Variants in PPARGC1A observed in about 807,000 individuals in gnomAD.
The protein encoded by PPARGC1A is peroxisome proliferator-activated receptor gamma coactivator 1-alpha.
Under a neutral mutation model 88.7 loss-of-function variants are expected in PPARGC1A, and 25 were observed. The observed-to-expected ratio is 0.28, with a 90% CI of 0.21 to 0.39. The LOEUF is 0.39. Ranked by LOEUF, PPARGC1A falls within the 10% of genes least tolerant of loss-of-function variation. The pLI is 1.00. For synonymous variants in PPARGC1A, 363 were observed against 355.6 expected, an observed-to-expected ratio of 1.02 and a Z score of -0.24; for missense variants, 880 against 968.7, an observed-to-expected ratio of 0.91 and a Z score of 1.22.
At chr4:24,197,917 A>G in the PPARGC1A span, among the ~76,000 whole-genome samples, 4 of 152,204 alleles carry the variant, frequency 2.6e-5, no homozygotes, top group Non-Finnish European at 5.9e-5. Flanking sequence ...GCTAGGTAGG[A>G]GACACTCGGA....
the PPARGC1A span, among the ~76,000 whole-genome samples, chr4:24,308,897 G>A: frequency 2.7e-4 from 41 of 152,142 alleles, 1 homozygote; most frequent in Admixed American, 1.9e-3. Flanking sequence ...AATCTCAAAG[G>A]AGATTGATAC....
chr4:24,299,721 T>C, the PPARGC1A span, among the ~76,000 whole-genome samples: 1 of 152,040 alleles, frequency 6.6e-6, no homozygotes, highest in Non-Finnish European at 1.5e-5. Flanking sequence ...CCCTAACACA[T>C]AAACGACTAC....
chr4:24,028,579 T>C, the PPARGC1A span, among the ~76,000 whole-genome samples: 3 of 152,130 alleles, frequency 2.0e-5, no homozygotes, highest in African/African-American at 7.2e-5. Context: ...CAAGGAAGAA[T>C]ACAAAGAGGT....
the PPARGC1A span, among the ~76,000 whole-genome samples, chr4:24,135,540 G>T: frequency 1.3e-5 from 2 of 152,104 alleles, no homozygotes; most frequent in African/African-American, 4.8e-5. Flanking sequence ...TGTGATGGAA[G>T]GATTTTGCTT....
chr4:23,923,116 G>GTT, the PPARGC1A span, among the ~76,000 whole-genome samples: 6 of 131,686 alleles, frequency 4.6e-5, no homozygotes, highest in South Asian at 2.3e-4. Context: ...TTTGTTGCTT[G>GTT]TTTTTTTTTT....
At chr4:23,996,169 G>C in the PPARGC1A span, among the ~76,000 whole-genome samples, 1 of 152,136 alleles carries the variant, frequency 6.6e-6, no homozygotes, top group Non-Finnish European at 1.5e-5. Context: ...AGGTGATGGA[G>C]ACTAACTACA....
At chr4:23,905,343 A>G (rs935285302), upstream of PPARGC1A, among the ~76,000 whole-genome samples, 5 of 152,220 alleles carry the variant, frequency 3.3e-5, no homozygotes, top group Non-Finnish European at 5.9e-5. Context: ...TACTTATGGC[A>G]TGCATACATG....
the PPARGC1A span, among the ~76,000 whole-genome samples, chr4:24,389,063 G>A: frequency 6.6e-6 from 1 of 152,114 alleles, no homozygotes; most frequent in East Asian, 1.9e-4. Flanking sequence ...TGTTATTGAA[G>A]TGCTAAATTA....
the PPARGC1A span, among the ~76,000 whole-genome samples, chr4:24,078,290 G>A: frequency 6.6e-6 from 1 of 152,004 alleles, no homozygotes; most frequent in Non-Finnish European, 1.5e-5. Flanking sequence ...TTTCATGAGA[G>A]GCCTTTTTTG....
chr4:24,026,217 C>T, the PPARGC1A span, among the ~76,000 whole-genome samples: 1 of 152,276 alleles, frequency 6.6e-6, no homozygotes, highest in South Asian at 2.1e-4. Flanking sequence ...GTCCAGTTGG[C>T]CCCACTTCCC....
At chr4:23,920,598 C>T in the PPARGC1A span, among the ~76,000 whole-genome samples, 1 of 152,158 alleles carries the variant, frequency 6.6e-6, no homozygotes, top group African/African-American at 2.4e-5. Context: ...TTGTACAGTT[C>T]AAAGCTTCAT....
chr4:23,801,770 A>C lies in PPARGC1A; in HGVS notation c.2253T>G (p.Cys751Trp), dbSNP rs1156728281. 6.2e-7 allele frequency: 1 copy of C among 1,614,054 alleles called. No individual in the cohort carries two copies. The change falls in exon 12 of 13, where the codon TGT becomes TGG. Residue 751 changes from cysteine to tryptophan, a missense_variant. Coordinates refer to ENST00000264867, the MANE Select transcript of PPARGC1A (RefSeq NM_013261.5). The stretch of plus-strand genomic sequence containing the variant: ...TAGACTTGAAAAATTGCTTGCGTCC[A>C]CAAAAGTACAGCTCAAAGTCAGTTT... The part of the protein sequence containing the change: ...SNETDFELYF[C>W]GRKQFFKSNY...
At chr4:24,216,652 G>A in the PPARGC1A span, among the ~76,000 whole-genome samples, 1 of 151,864 alleles carries the variant, frequency 6.6e-6, no homozygotes. Flanking sequence ...CTTCCTCTAG[G>A]GCCCTAGTCT....
chr4:24,088,419 GA>G, the PPARGC1A span, among the ~76,000 whole-genome samples: 1 of 151,844 alleles, frequency 6.6e-6, no homozygotes, highest in Non-Finnish European at 1.5e-5. Context: ...GGAAGCAGAA[GA>G]AGAAGAGGAG....
the PPARGC1A span, among the ~76,000 whole-genome samples, chr4:24,377,692 A>G: frequency 1.3e-5 from 2 of 152,224 alleles, no homozygotes; most frequent in Non-Finnish European, 2.9e-5. Flanking sequence ...CGTCGATTTC[A>G]GGATACAGCA....
chr4:24,172,166 C>T, the PPARGC1A span, among the ~76,000 whole-genome samples: 1 of 152,196 alleles, frequency 6.6e-6, no homozygotes, highest in African/African-American at 2.4e-5. Flanking sequence ...CAAGATATAG[C>T]ACAGTATCAC....
At chr4:24,108,478 C>T in the PPARGC1A span, among the ~76,000 whole-genome samples, 2 of 152,068 alleles carry the variant, frequency 1.3e-5, no homozygotes, top group Admixed American at 1.3e-4. Context: ...TCTTTCAATA[C>T]TTAGAATGAG....
chr4:24,436,127 A>G, the PPARGC1A span, among the ~76,000 whole-genome samples: 1 of 152,230 alleles, frequency 6.6e-6, no homozygotes, highest in Non-Finnish European at 1.5e-5. Flanking sequence ...ATTCCCGATC[A>G]ATATAATGTT....
the PPARGC1A span, among the ~76,000 whole-genome samples, chr4:24,080,451 G>C: frequency 6.6e-6 from 1 of 151,788 alleles, no homozygotes; most frequent in Admixed American, 6.6e-5. Context: ...GTGTTTCTAA[G>C]AATCTTTGCT....
Sources: gnomAD v4.1 joint callset for allele counts (sites outside exome capture counted in the v4.1 genomes callset) on GRCh38, gnomAD v4.1.1 for gene constraint, MANE v1.5 for transcripts, NCBI Gene and HGNC (gene_info 2026-07-23, HGNC 2026-07-21) for gene names.